The following ARIH2 variants were observed in gnomAD, a reference collection of about 807,000 sequenced individuals.
ARIH2 encodes ariadne RBR E3 ubiquitin protein ligase 2.
Under a neutral mutation model 79.8 loss-of-function variants are expected in ARIH2, and 12 were observed. That is an observed-to-expected ratio of 0.15 (90% CI 0.10 to 0.24). The LOEUF (loss-of-function observed/expected upper bound fraction) is 0.24, where lower values mean the gene tolerates loss of function less well. Among genes scored for constraint, ARIH2 ranks in the 10% least tolerant of loss-of-function variants. The probability of loss-of-function intolerance (pLI) is 1.00; values close to 1 mark genes in which losing one functional copy is unlikely to be tolerated. For missense variants in ARIH2, 301 were observed against 618.3 expected (o/e 0.49, Z 5.44); for synonymous variants, 224 against 213.9 (o/e 1.05, Z -0.41).
At chr3:48,965,244 C>T (rs1400327655) in intron 5 of ARIH2, among the ~76,000 whole-genome samples, 1 of 151,912 alleles carries the variant, frequency 6.6e-6, no homozygotes, top group East Asian at 1.9e-4. Flanking sequence ...CCTGTAGTCC[C>T]AGCTACTCGG....
At chr3:48,963,376 T>C (rs561737021) in intron 4 of ARIH2, among the ~76,000 whole-genome samples, 1 of 152,312 alleles carries the variant, frequency 6.6e-6, no homozygotes, top group East Asian at 1.9e-4. Flanking sequence ...AAAATATTAC[T>C]GTGGGAATTA....
At chr3:48,973,125 G>A (rs1416699452) in intron 8 of ARIH2, among the ~76,000 whole-genome samples, 3 of 152,226 alleles carry the variant, frequency 2.0e-5, no homozygotes, top group Non-Finnish European at 4.4e-5. Context: ...GGTTCCACAA[G>A]CCTTGAGAGA....
intron 3 of ARIH2, among the ~76,000 whole-genome samples, chr3:48,939,773 A>C (rs1166042881): frequency 1.5e-4 from 22 of 147,352 alleles, no homozygotes; most frequent in South Asian, 6.3e-4. Context: ...AAAAAAAAAA[A>C]AAACAAAAAC....
intron 3 of ARIH2, among the ~76,000 whole-genome samples, chr3:48,933,842 C>T (rs1446620581): frequency 2.0e-5 from 3 of 152,096 alleles, no homozygotes; most frequent in Non-Finnish European, 4.4e-5. Flanking sequence ...TGAGCCACCG[C>T]GCCTGTCCCT....
rs1005520481 is a variant in ARIH2, at chr3:48,968,251, A to G, written c.539-283A>G. The G allele has an allele frequency of 2.0e-5, 3 of 147,576 alleles. No individual in the cohort carries two copies. The East Asian group carries it at 5.9e-4, about 29-fold the overall frequency. 9.1% of individuals were successfully genotyped at this position (147,576 alleles called of 1,614,324 possible). On this transcript the variant is annotated intron_variant, in intron 6 of 15. Transcript: ENST00000356401. ...GAGACGGAGTCTCGCTCTGTCGCCC[A>G]GGCTGGAGTGCAGTGGCGGGATCTC...
intron 3 of ARIH2, among the ~76,000 whole-genome samples, chr3:48,951,984 G>A (rs1466845233): frequency 1.3e-5 from 2 of 151,510 alleles, no homozygotes; most frequent in African/African-American, 4.9e-5. Context: ...CCCTTTTTTA[G>A]CTGTAATACA....
intron 3 of ARIH2, among the ~76,000 whole-genome samples, chr3:48,958,075 G>A (rs927733065): frequency 6.6e-6 from 1 of 152,124 alleles, no homozygotes; most frequent in Non-Finnish European, 1.5e-5. Context: ...AACAGAGCAG[G>A]TCAAAACTCC....
At chr3:48,945,079 C>T in intron 3 of ARIH2, 1 of 1,269,106 alleles carries the variant, frequency 7.9e-7, no homozygotes, top group African/African-American at 1.5e-5. Context: ...AGATTTCAGG[C>T]AGTTGGCAAG....
At chr3:48,954,991 A>G (rs2107454450) in intron 3 of ARIH2, among the ~76,000 whole-genome samples, 1 of 152,318 alleles carries the variant, frequency 6.6e-6, no homozygotes, top group South Asian at 2.1e-4. Flanking sequence ...TGAGGTCAGG[A>G]GTTCGAGACC....
chr3:48,978,421 ATGTGTGTGTGTGTGTGTG>A lies in ARIH2; in HGVS notation c.962-1033_962-1016del, dbSNP rs1188251261. 3.2e-4 allele frequency among the ~76,000 whole-genome samples: 18 copies of A among 55,796 alleles called. No individual in the cohort carries two copies. In the East Asian group the frequency reaches 1.0e-2, roughly 31 times the overall value. The allele number at this position is 55,796 out of a possible 152,430, so 36.6% of individuals were successfully genotyped here. A position where few individuals can be genotyped will look rare whatever the true frequency, so the allele number is the denominator to read the frequency against. On this transcript the variant is annotated intron_variant, in intron 11 of 15. Coordinates refer to ENST00000356401, the MANE Select transcript of ARIH2 (RefSeq NM_006321.4). Reference sequence around the variant, plus strand: ...GCCACCACACCTGGCTAATTTGTGTATGTGTGTGTGTGTGTGTGTGTGTGTGTGTGTGTGTGTGTGTGT... The same window carrying A: ...GCCACCACACCTGGCTAATTTGTGTATGTGTGTGTGTGTGTGTGTGTGTGT...
In ARIH2 at chr3:48,927,420, C is replaced by A. The variant is rs1056090525; in HGVS notation, c.-97-42C>A. 3.7e-6 allele frequency: 4 copies of A among 1,072,636 alleles called. No homozygotes were observed. The African/African-American group carries it at 4.8e-5, about 13-fold the overall frequency. 66.4% of individuals were successfully genotyped at this position (1,072,636 alleles called of 1,614,324 possible). A position where few individuals can be genotyped will look rare whatever the true frequency, so the allele number is the denominator to read the frequency against. ...TTGAATGGTTTCTGTTACAACTTGT[C>A]ATGGGGAAAAAGTAACACTTATTTT... On this transcript the variant is annotated intron_variant, in intron 2 of 15. Transcript: ENST00000356401.
chr3:48,978,686 G>A (rs2092643362), intron 11 of ARIH2, among the ~76,000 whole-genome samples: 2 of 151,776 alleles, frequency 1.3e-5, no homozygotes, highest in South Asian at 2.1e-4. Context: ...TTTGCCAGGC[G>A]CAGTGGCTCA....
At position 48,973,810 on chromosome 3, in the gene ARIH2, T is replaced by C. The variant is rs781228989; in HGVS notation, c.882T>C (p.Thr294=). The change falls in exon 9 of 16, where the codon ACT becomes ACC. Residue 294 remains threonine, a synonymous_variant. Transcript: ENST00000356401. ...CAGCCAACTACATTAGTGCTCACAC[T>C]AAAGACGTAAGGACCGTATTTTACC... The part of the protein sequence containing the change: ...SETANYISAH[T]KDCPKCNICI... The C allele has an allele frequency of 6.8e-6, 11 of 1,611,162 alleles. No individual in the cohort carries two copies. Among genetic ancestry groups the C allele is most frequent in the Non-Finnish European group, 8.5e-6 (10 of 1,177,374 alleles).
chr3:48,935,199 T>C (rs1209792517), intron 3 of ARIH2, among the ~76,000 whole-genome samples: 2 of 152,260 alleles, frequency 1.3e-5, no homozygotes, highest in African/African-American at 2.4e-5. Context: ...CCTCCTGTTA[T>C]GTTCCTGTGC....
At chr3:48,955,201 A>G (rs989865975) in intron 3 of ARIH2, among the ~76,000 whole-genome samples, 1 of 152,220 alleles carries the variant, frequency 6.6e-6, no homozygotes, top group African/African-American at 2.4e-5. Context: ...CCATCTCAAC[A>G]GAAACGAAAA....
At chr3:48,936,869 G>C (rs1159197162) in intron 3 of ARIH2, among the ~76,000 whole-genome samples, 1 of 151,654 alleles carries the variant, frequency 6.6e-6, no homozygotes, top group Non-Finnish European at 1.5e-5. Flanking sequence ...TGTACTAAAA[G>C]TACAAAAAAT....
At chr3:48,940,199 C>A (rs1380410005) in intron 3 of ARIH2, among the ~76,000 whole-genome samples, 1 of 151,828 alleles carries the variant, frequency 6.6e-6, no homozygotes, top group Non-Finnish European at 1.5e-5. Flanking sequence ...GAGCGAGACT[C>A]CGTCTCAAAA....
At position 48,927,738 on chromosome 3, in the gene ARIH2, G is replaced by A. The variant is rs2085827239; in HGVS notation, c.180G>A (p.Gln60=). 1.2e-6 allele frequency: 2 copies of A among 1,614,236 alleles called. No homozygotes were observed. The highest frequency in any genetic ancestry group is 1.7e-6 in the Non-Finnish European group (2 of 1,180,044). ...ATGCCTTTGATCCCGAGGAGTACCA[G>A]TTCACTTGCTTGACCTACAAGGAAT... ...GADAFDPEEY[Q]FTCLTYKESE... is the part of the protein sequence containing the mutation. The change falls in exon 3 of 16, where the codon CAG becomes CAA. Residue 60 remains glutamine (Q), a synonymous_variant. Coordinates refer to ENST00000356401, the MANE Select transcript of ARIH2 (RefSeq NM_006321.4).
At chr3:48,975,285 A>C (rs571688319) in intron 11 of ARIH2, among the ~76,000 whole-genome samples, 1 of 152,314 alleles carries the variant, frequency 6.6e-6, no homozygotes, top group Non-Finnish European at 1.5e-5. Flanking sequence ...TTGCCAAGGC[A>C]GGTAAGTAGC....
Sources: allele counts gnomAD v4.1 joint callset (sites outside exome capture counted in the v4.1 genomes callset), GRCh38; gene constraint gnomAD v4.1.1; transcripts MANE v1.5; gene names NCBI Gene and HGNC (gene_info 2026-07-23, HGNC 2026-07-21).